The following BMF variants were observed in gnomAD, a reference collection of about 807,000 sequenced individuals.
BMF encodes the protein bcl-2-modifying factor.
In BMF, 10 loss-of-function variants were observed where a neutral mutation model predicts 22.0. The observed-to-expected ratio is 0.45, with a 90% CI of 0.28 to 0.77. The LOEUF (loss-of-function observed/expected upper bound fraction) is 0.77. BMF is among the 30% of genes least tolerant of loss of function. The pLI is 0.13. For synonymous variants in BMF, 87 were observed against 88.1 expected (o/e 0.99, Z 0.07); for missense variants, 206 against 226.8 (o/e 0.91, Z 0.59).
rs916877198 is a variant in BMF, at chr15:40,108,836, G to A, written c.-197C>T. ...GCGGCGGCGGCGGGCACAGGCCGGG[G>A]CGGGAGGAGGCCACTCCGCACGGTG... On this transcript the variant is annotated 5_prime_UTR_variant, in exon 1 of 5. Transcript: ENST00000354670. 5 of 153,402 alleles carry A rather than the reference G, an allele frequency of 3.3e-5. No individual in the cohort carries two copies. Among genetic ancestry groups the A allele is most frequent in the Non-Finnish European group, 7.3e-5 (5 of 68,384 alleles). The allele number at this position is 153,402 out of a possible 1,614,324, so 9.5% of individuals were successfully genotyped here.
chr15:40,102,583 G>A (rs1379425768), intron 4 of BMF, among the ~76,000 whole-genome samples: 3 of 152,104 alleles, frequency 2.0e-5, no homozygotes, highest in Non-Finnish European at 4.4e-5. Flanking sequence ...CAGTGGATGG[G>A]GGAATATTCT....
chr15:40,106,887 T>C lies in BMF; in HGVS notation c.-5-796A>G, dbSNP rs999078419. Among the ~76,000 whole-genome samples, 16 of 152,264 alleles carry C rather than the reference T, an allele frequency of 1.1e-4. No homozygotes were observed. Among genetic ancestry groups the C allele is most frequent in the African/African-American group, 3.9e-4 (16 of 41,548 alleles). ...TCCAGCCTCTCCCAACTAAGTCTCC[T>C]CACTAGTCTCCACGACTTCAAATCC... On this transcript the variant is annotated intron_variant, in intron 2 of 4. Transcript: ENST00000354670. The surrounding 1 kb of genome is among the most constrained non-coding windows in gnomAD (Gnocchi z 4.1).
rs113045194 is a variant in BMF at position 40,105,611 on chromosome 15, G to C, written c.292+184C>G. ...TCCAGGAGGGGACAATTTGCCCTTT[G>C]GGGGGTCTGAGGCACAGGTGAGGAG... On this transcript the variant is annotated intron_variant, in intron 3 of 4. Transcript: ENST00000354670. Among the ~76,000 whole-genome samples the C allele has an allele frequency of 5.8e-3, 886 of 152,254 alleles. 8 individuals carry two copies. Among genetic ancestry groups the C allele is most frequent in the African/African-American group, 0.02 (847 of 41,574 alleles).
Position 40,089,813 on chromosome 15 carries a change from T to G in BMF, c.*1974A>C, listed in dbSNP as rs2036200843. The G allele has an allele frequency of 2.6e-5, 4 of 152,288 alleles. No homozygotes were observed. The highest frequency in any genetic ancestry group is 2.6e-4 in the Admixed American group (4 of 15,290). The allele number at this position is 152,288 out of a possible 1,614,324, so 9.4% of individuals were successfully genotyped here. A position where few individuals can be genotyped will look rare whatever the true frequency, so the allele number is the denominator to read the frequency against. ...ATGTCCCATACACATCATAAAATGG[T>G]ATGGAGACCCACAGGGAAGGCTGAA... On this transcript the variant is annotated 3_prime_UTR_variant, in exon 5 of 5. Coordinates refer to ENST00000354670, the MANE Select transcript of BMF (RefSeq NM_001003940.2).
At chr15:40,107,829 G>T (rs1460188555) in intron 2 of BMF, among the ~76,000 whole-genome samples, 3 of 152,032 alleles carry the variant, frequency 2.0e-5, no homozygotes, top group Non-Finnish European at 2.9e-5. Flanking sequence ...AAGCCCCAAA[G>T]TTCAACCTTT....
chr15:40,100,117 A>G lies in BMF; in HGVS notation c.453+4063T>C, dbSNP rs564901538. 2.0e-5 allele frequency among the ~76,000 whole-genome samples: 3 copies of G among 152,328 alleles called. No homozygotes were observed. The East Asian group carries it at 5.8e-4, about 29-fold the overall frequency. On this transcript the variant is annotated intron_variant, in intron 4 of 4. Coordinates refer to ENST00000354670, the MANE Select transcript of BMF (RefSeq NM_001003940.2). ...CTGTTTACAGTAACTACTGTTTTTG[A>G]GGATTCTTGGCTTCTTAACATTGCC...
At chr15:40,093,353 G>A (rs922429330) in intron 4 of BMF, among the ~76,000 whole-genome samples, 5 of 152,210 alleles carry the variant, frequency 3.3e-5, no homozygotes, top group Admixed American at 6.5e-5. Flanking sequence ...AGCTGGAGGC[G>A]CAGCTCCTGC....
chr15:40,096,306 G>C (rs1182846109), intron 4 of BMF, among the ~76,000 whole-genome samples: 2 of 152,056 alleles, frequency 1.3e-5, no homozygotes, highest in Non-Finnish European at 2.9e-5. Flanking sequence ...ATCTCCCTCT[G>C]CCTCTCCCCT....
chr15:40,097,410 T>A (rs1023583400), intron 4 of BMF, among the ~76,000 whole-genome samples: 3 of 152,208 alleles, frequency 2.0e-5, no homozygotes, highest in Non-Finnish European at 4.4e-5. Flanking sequence ...TACAATATAA[T>A]GGGGAGAAGA....
rs71658279 is a variant in BMF at position 40,106,517 on chromosome 15, A to AACACACACACACACACACACACAC, written c.-5-450_-5-427dup. 1,560 of 136,014 alleles carry AACACACACACACACACACACACAC rather than the reference A, an allele frequency of 0.011. 48 individuals carry two copies. Among genetic ancestry groups the AACACACACACACACACACACACAC allele is most frequent in the East Asian group, 0.052 (198 of 3,826 alleles). 8.4% of individuals were successfully genotyped at this position (136,014 alleles called of 1,614,324 possible). A position where few individuals can be genotyped will look rare whatever the true frequency, so the allele number is the denominator to read the frequency against. On this transcript the variant is annotated intron_variant, in intron 2 of 4. Coordinates refer to ENST00000354670, the MANE Select transcript of BMF (RefSeq NM_001003940.2). The surrounding 1 kb of genome is among the most constrained non-coding windows in gnomAD (Gnocchi z 4.1). The stretch of plus-strand genomic sequence containing the variant: ...GACTGGCTATACATACAGTGCTCAC[A>AACACACACACACACACACACACAC]ACACACACACACACACACACACACA...
intron 4 of BMF, among the ~76,000 whole-genome samples, chr15:40,097,312 C>G (rs566169949): frequency 1.4e-4 from 21 of 152,068 alleles, no homozygotes; most frequent in African/African-American, 4.8e-4. Flanking sequence ...ACCAAGCACC[C>G]AACTGAGCTA....
chr15:40,107,457 C>T (rs2141065599), intron 2 of BMF, among the ~76,000 whole-genome samples: 1 of 152,152 alleles, frequency 6.6e-6, no homozygotes, highest in African/African-American at 2.4e-5. Flanking sequence ...TGTCTGTGCC[C>T]TCTTCCCTGG....
intron 4 of BMF, 49 bp downstream of exon 4, chr15:40,104,131 C>T (rs193078562): frequency 6.2e-7 from 1 of 1,607,378 alleles, no homozygotes; most frequent in Non-Finnish European, 8.5e-7. Context: ...GGCCCTGGCC[C>T]CCAAGCCCCA....
At position 40,091,582 on chromosome 15, in the gene BMF, C is replaced by A; in HGVS notation, c.*205G>T. The stretch of plus-strand genomic sequence containing the variant: ...CTCCTTCAACAGTGTTTGACAAAGG[C>A]CCCCATTCCAGGTCAAGGGCCTGAC... On this transcript the variant is annotated 3_prime_UTR_variant, in exon 5 of 5. Coordinates refer to ENST00000354670, the MANE Select transcript of BMF (RefSeq NM_001003940.2). The A allele has an allele frequency of 1.9e-6, 1 of 533,328 alleles. No individual in the cohort carries two copies. The highest frequency in any genetic ancestry group is 3.4e-6 in the Non-Finnish European group (1 of 297,976). 33.0% of individuals were successfully genotyped at this position (533,328 alleles called of 1,614,324 possible).
At chr15:40,098,270 C>T (rs569266221) in intron 4 of BMF, among the ~76,000 whole-genome samples, 65 of 152,296 alleles carry the variant, frequency 4.3e-4, no homozygotes, top group Admixed American at 3.7e-3. Flanking sequence ...GGGTACGGTT[C>T]GGGGACAGAG....
intron 4 of BMF, among the ~76,000 whole-genome samples, chr15:40,093,514 G>C (rs773981441): frequency 1.3e-5 from 2 of 152,244 alleles, no homozygotes; most frequent in African/African-American, 4.8e-5. Context: ...GTAAAACAGC[G>C]TGAAAATGGA....
At chr15:40,103,541 C>T (rs1171110367) in intron 4 of BMF, among the ~76,000 whole-genome samples, 1 of 152,250 alleles carries the variant, frequency 6.6e-6, no homozygotes, top group Non-Finnish European at 1.5e-5. Flanking sequence ...CGTGATGCCC[C>T]GCCCTGGCGG....
Position 40,105,507 on chromosome 15 carries a change from G to C in BMF, c.292+288C>G, listed in dbSNP as rs565162658. 1.5e-4 allele frequency among the ~76,000 whole-genome samples: 23 copies of C among 152,310 alleles called. 1 individual carries two copies. The East Asian group carries it at 4.4e-3, about 29-fold the overall frequency. On this transcript the variant is annotated intron_variant, in intron 3 of 4. Transcript: ENST00000354670. ...ACAGGAGCCACTTTATAGTAGGCAA[G>C]TCACTGCTAGGACACTAAAGGCCAG...
At position 40,105,951 on chromosome 15, in the gene BMF, G is replaced by T; in HGVS notation, c.136C>A (p.Arg46=). 6.2e-7 allele frequency: 1 copy of T among 1,614,110 alleles called. No homozygotes were observed. Among genetic ancestry groups the T allele is most frequent in the Non-Finnish European group, 8.5e-7 (1 of 1,180,024 alleles). Residue 46 remains arginine, a synonymous_variant, in exon 3 of 5, where the codon CGA becomes AGA. Coordinates refer to ENST00000354670, the MANE Select transcript of BMF (RefSeq NM_001003940.2). The stretch of plus-strand genomic sequence containing the variant: ...TGGGTGAGAGGGAAGAGCTGAAGTC[G>T]GCTGAGGGGGCAGTCCAGTAGGCTC... ...AQSLLDCPLS[R]LQLFPLTHCC...
Sources: gnomAD v4.1 joint callset for allele counts (sites outside exome capture counted in the v4.1 genomes callset) on GRCh38, gnomAD v4.1.1 for gene constraint, Gnocchi (gnomAD v3.1) non-coding constraint, MANE v1.5 for transcripts, NCBI Gene and HGNC (gene_info 2026-07-23, HGNC 2026-07-21) for gene names.